SDC2: variants seen among roughly 807,000 people sequenced by gnomAD.
The protein encoded by SDC2 is syndecan 2.
SDC2 carries 13 observed loss-of-function variants against 22.2 expected under a neutral mutation model. That is an observed-to-expected ratio of 0.59 (90% CI 0.38 to 0.93). The LOEUF (loss-of-function observed/expected upper bound fraction) is 0.93. Among genes scored for constraint, SDC2 ranks in the 40% least tolerant of loss-of-function variants. The pLI is 0.00. For synonymous variants in SDC2, 94 were observed against 92.8 expected (o/e 1.01, Z -0.07); for missense variants, 235 against 246.8 (o/e 0.95, Z 0.32).
chr8:96,588,388 T>A (rs1036105134), intron 1 of SDC2, among the ~76,000 whole-genome samples: 1 of 152,234 alleles, frequency 6.6e-6, no homozygotes, highest in Non-Finnish European at 1.5e-5. Context: ...ACATAAATTT[T>A]TAGCTAATTA....
At chr8:96,609,002 A>G (rs554718324) in intron 4 of SDC2, among the ~76,000 whole-genome samples, 54 of 152,336 alleles carry the variant, frequency 3.5e-4, no homozygotes, top group Non-Finnish European at 5.7e-4. Flanking sequence ...GCTTTTTTTC[A>G]TGTATACTCT....
At position 96,494,330 on chromosome 8, in the gene SDC2, C is replaced by G. The variant is rs766216328; in HGVS notation, c.59C>G (p.Ser20Trp). Residue 20 changes from serine (S) to tryptophan (W), a missense_variant and splice_region_variant, in exon 1 of 5, where the codon TCG becomes TGG. By Grantham distance (177) the Ser-to-Trp change is radical. Transcript: ENST00000302190. ...TTGGTGGCCTGCGTGTCGGCGGAGT[C>G]GGTGAGTGGGCCAGGCGGAGGATGC... The part of the protein sequence containing the change: ...LGLVACVSAE[S>W]RAELTSDKDM... 1.3e-6 allele frequency: 2 copies of G among 1,541,884 alleles called. No individual in the cohort carries two copies. The highest frequency in any genetic ancestry group is 8.7e-7 in the Non-Finnish European group (1 of 1,148,298).
rs1438375097 is a variant in SDC2 at position 96,593,556 on chromosome 8, T to C, written c.137T>C (p.Ile46Thr). ...SIEEASGVYP[I>T]DDDDYASASG... Reference sequence around the variant, plus strand: ...GAAGAAGCTTCAGGAGTGTATCCTATTGATGACGATGACTACGCTTCTGCG... The same window carrying C: ...GAAGAAGCTTCAGGAGTGTATCCTACTGATGACGATGACTACGCTTCTGCG... The change falls in exon 2 of 5, where the codon ATT becomes ACT. Residue 46 changes from isoleucine to threonine, a missense_variant. Physicochemically the swap from Ile to Thr is moderately conservative, Grantham distance 89 (BLOSUM62 -1). Transcript: ENST00000302190. 1.2e-6 allele frequency: 2 copies of C among 1,614,014 alleles called. No homozygotes were observed. Among genetic ancestry groups the C allele is most frequent in the Non-Finnish European group, 1.7e-6 (2 of 1,179,854 alleles).
At chr8:96,526,393 T>C (rs1813578854) in intron 1 of SDC2, among the ~76,000 whole-genome samples, 4 of 151,722 alleles carry the variant, frequency 2.6e-5, no homozygotes, top group Admixed American at 2.6e-4. Flanking sequence ...GTTTGTTTCA[T>C]GTTTCTTGTT....
chr8:96,593,410 G>A (rs1267450159), intron 1 of SDC2, 70 bp from the exon 2 acceptor site: 2 of 1,036,922 alleles, frequency 1.9e-6, no homozygotes, highest in Non-Finnish European at 3.0e-6. Flanking sequence ...GTATGTACCT[G>A]AACAATCAGA....
chr8:96,600,954 A>T (rs1040244190), intron 2 of SDC2, among the ~76,000 whole-genome samples: 1 of 152,158 alleles, frequency 6.6e-6, no homozygotes, highest in Non-Finnish European at 1.5e-5. Flanking sequence ...TGGATGAGGG[A>T]GAAAGTGTAG....
intron 1 of SDC2, among the ~76,000 whole-genome samples, chr8:96,583,703 GTGTGTGTGTGTGTGTATA>G (rs921399446): frequency 3.1e-5 from 4 of 131,020 alleles, no homozygotes; most frequent in East Asian, 2.8e-4. Context: ...GTGTGTGTGT[GTGTGTGTGTGTGTGTATA>G]TATATATATG....
intron 1 of SDC2, among the ~76,000 whole-genome samples, chr8:96,549,084 T>C (rs958512732): frequency 1.3e-5 from 2 of 152,176 alleles, no homozygotes; most frequent in African/African-American, 4.8e-5. Context: ...GTATAGGAAA[T>C]TATATCTGTC....
At chr8:96,551,564 G>A (rs908705370) in intron 1 of SDC2, among the ~76,000 whole-genome samples, 7 of 152,126 alleles carry the variant, frequency 4.6e-5, no homozygotes, top group Non-Finnish European at 1.0e-4. Context: ...CAGTCCAGTG[G>A]AACCTGGAAT....
At chr8:96,502,864 CT>C (rs1387657346) in intron 1 of SDC2, among the ~76,000 whole-genome samples, 1 of 152,194 alleles carries the variant, frequency 6.6e-6, no homozygotes, top group Non-Finnish European at 1.5e-5. Flanking sequence ...GTGTCACATG[CT>C]AGTTATAATT....
chr8:96,508,732 AT>A (rs1241840559), intron 1 of SDC2, among the ~76,000 whole-genome samples: 1 of 141,812 alleles, frequency 7.1e-6, no homozygotes, highest in Non-Finnish European at 1.6e-5. Context: ...CCAAGGCTGC[AT>A]TTTATGTGGC....
intron 1 of SDC2, among the ~76,000 whole-genome samples, chr8:96,552,441 C>T (rs1172484235): frequency 6.6e-6 from 1 of 152,156 alleles, no homozygotes; most frequent in Non-Finnish European, 1.5e-5. Context: ...TTCTGTTCAA[C>T]CTCTAAAGGA....
intron 1 of SDC2, among the ~76,000 whole-genome samples, chr8:96,528,504 G>A (rs1813613405): frequency 1.3e-5 from 2 of 152,064 alleles, no homozygotes; most frequent in African/African-American, 4.8e-5. Context: ...TTTCTAAAAG[G>A]AAAAATGTTA....
chr8:96,603,653 C>T (rs2130655655), intron 3 of SDC2, among the ~76,000 whole-genome samples: 1 of 152,208 alleles, frequency 6.6e-6, no homozygotes, highest in East Asian at 1.9e-4. Context: ...ACCCTTGCCC[C>T]AGAGTACCTT....
At chr8:96,558,025 A>T (rs537865057) in intron 1 of SDC2, among the ~76,000 whole-genome samples, 1 of 152,130 alleles carries the variant, frequency 6.6e-6, no homozygotes, top group Non-Finnish European at 1.5e-5. Context: ...AATAAAGCCC[A>T]TAATTGGTAC....
intron 1 of SDC2, among the ~76,000 whole-genome samples, chr8:96,532,773 C>T (rs1488231588): frequency 2.0e-5 from 3 of 152,158 alleles, no homozygotes; most frequent in Admixed American, 6.5e-5. Flanking sequence ...ATGCATTCAC[C>T]TTCTCTGATG....
chr8:96,498,336 C>A (rs1813106121), intron 1 of SDC2, among the ~76,000 whole-genome samples: 1 of 152,158 alleles, frequency 6.6e-6, no homozygotes, highest in African/African-American at 2.4e-5. Flanking sequence ...CCAACCGGCC[C>A]CAGAATGCCC....
intron 1 of SDC2, among the ~76,000 whole-genome samples, chr8:96,569,855 C>T (rs1239368029): frequency 2.6e-5 from 4 of 152,048 alleles, no homozygotes; most frequent in East Asian, 1.9e-4. Flanking sequence ...CTCCTGGAGG[C>T]GGTGGGGACT....
chr8:96,569,510 G>A (rs545747750), intron 1 of SDC2, among the ~76,000 whole-genome samples: 2 of 152,236 alleles, frequency 1.3e-5, no homozygotes, highest in East Asian at 3.9e-4. Flanking sequence ...GTAAGAGCAA[G>A]AGCCTTATAG....
Sources: gnomAD v4.1 joint callset for allele counts (sites outside exome capture counted in the v4.1 genomes callset) on GRCh38, gnomAD v4.1.1 for gene constraint, MANE v1.5 for transcripts, NCBI Gene and HGNC (gene_info 2026-07-23, HGNC 2026-07-21) for gene names.